The following SGPP2 variants were observed in gnomAD, a reference collection of about 807,000 sequenced individuals.
The protein encoded by SGPP2 is sphingosine-1-phosphate phosphatase 2, also known as sphingosine 1-phosphate phosphohydrolase 2.
Under a neutral mutation model 33.9 loss-of-function variants are expected in SGPP2, and 30 were observed. The ratio of observed to expected loss-of-function variants is 0.89; its 90% CI spans 0.66 to 1.20. The LOEUF is 1.20. SGPP2 is among the 50% of genes most tolerant of loss of function. SGPP2 has a pLI of 0.00. For missense variants in SGPP2, 458 were observed against 532.1 expected, an observed-to-expected ratio of 0.86 and a Z score of 1.37; for synonymous variants, 233 against 225.0, an observed-to-expected ratio of 1.04 and a Z score of -0.32.
chr2:222,424,777 G>A lies in SGPP2; in HGVS notation c.175G>A (p.Gly59Ser). The change falls in exon 1 of 5, where the codon GGC becomes AGC. Residue 59 changes from glycine (G) to serine (S), a missense_variant. Gly to Ser is a moderately conservative substitution (Grantham distance 56). Transcript: ENST00000321276. ...EHLPAANGKG[G>S]EAPANGLRRA... ...TCTCCCCGCAGCCAACGGCAAGGGCGGCGAGGCTCCGGCCAACGGGCTGCG... is the reference window on the plus strand; with the variant it reads ...TCTCCCCGCAGCCAACGGCAAGGGCAGCGAGGCTCCGGCCAACGGGCTGCG... 5 of 1,399,230 alleles carry A rather than the reference G, an allele frequency of 3.6e-6. No individual in the cohort carries two copies. The allele number at this position is 1,399,230 out of a possible 1,614,324, so 86.7% of individuals were successfully genotyped here.
intron 4 of SGPP2, among the ~76,000 whole-genome samples, chr2:222,546,825 CAAAAAA>C (rs5838955): frequency 7.7e-5 from 9 of 116,650 alleles, no homozygotes; most frequent in African/African-American, 2.1e-4. Flanking sequence ...ACACATGTTG[CAAAAAA>C]AAAAAAAAAA....
intron 4 of SGPP2, 100 bp downstream of exon 4, chr2:222,525,133 A>G (rs1698739871): frequency 2.6e-6 from 2 of 759,080 alleles, no homozygotes; most frequent in African/African-American, 3.6e-5. Flanking sequence ...AATTATTTGC[A>G]TATGTAATTA....
At chr2:222,507,750 C>T (rs897969764) in intron 2 of SGPP2, among the ~76,000 whole-genome samples, 1 of 152,138 alleles carries the variant, frequency 6.6e-6, no homozygotes, top group Non-Finnish European at 1.5e-5. Flanking sequence ...TTCCCATGTA[C>T]CTATATGCGC....
At chr2:222,452,425 A>G (rs1049755978) in intron 1 of SGPP2, 2 of 774,946 alleles carry the variant, frequency 2.6e-6, no homozygotes, top group Non-Finnish European at 4.6e-6. Flanking sequence ...TTGTATGTTC[A>G]TGGAGTAGTT....
At position 222,559,156 on chromosome 2, in the gene SGPP2, A is replaced by C. The variant is rs1045469873; in HGVS notation, c.*258A>C. On this transcript the variant is annotated 3_prime_UTR_variant, in exon 5 of 5. Transcript: ENST00000321276. ...ATAATCCGGATCTTTAAAGGCACACACCGCGCCCCCCCCCCCCCCGCCCGG... is the reference window on the plus strand; with the variant it reads ...ATAATCCGGATCTTTAAAGGCACACCCCGCGCCCCCCCCCCCCCCGCCCGG... 324 of 56,250 alleles carry C rather than the reference A, an allele frequency of 5.8e-3. No homozygotes were observed. Among genetic ancestry groups the C allele is most frequent in the Admixed American group, 0.015 (48 of 3,174 alleles). The allele number at this position is 56,250 out of a possible 1,614,324, so 3.5% of individuals were successfully genotyped here.
intron 1 of SGPP2, among the ~76,000 whole-genome samples, chr2:222,451,024 G>T (rs1697478034): frequency 6.6e-6 from 1 of 151,050 alleles, no homozygotes; most frequent in African/African-American, 2.4e-5. Context: ...AATGTATTTT[G>T]ACCAAATGTA....
At chr2:222,500,545 T>C (rs935732421) in intron 2 of SGPP2, among the ~76,000 whole-genome samples, 2 of 152,156 alleles carry the variant, frequency 1.3e-5, no homozygotes, top group South Asian at 2.1e-4. Flanking sequence ...GAGTATGAAA[T>C]TGGCTTTTCC....
chr2:222,558,773 A>G lies in SGPP2; in HGVS notation c.1075A>G (p.Arg359Gly). The G allele has an allele frequency of 6.2e-7, 1 of 1,614,196 alleles. No homozygotes were observed. Among genetic ancestry groups the G allele is most frequent in the Non-Finnish European group, 8.5e-7 (1 of 1,180,028 alleles). The change falls in exon 5 of 5, where the codon AGG becomes GGG. Residue 359 changes from arginine to glycine, a missense_variant. By Grantham distance (125) the Arg-to-Gly change is moderately radical. Transcript: ENST00000321276. ...ATACTCATGGTTCAAGGTGGTCACC[A>G]GGAACAAGGAGGCCAGGCGGAGACT... ...VLYSWFKVVT[R>G]NKEARRRLEI...
intron 1 of SGPP2, among the ~76,000 whole-genome samples, chr2:222,437,417 C>T (rs1297252389): frequency 6.6e-6 from 1 of 152,250 alleles, no homozygotes; most frequent in African/African-American, 2.4e-5. Context: ...CAGCTGTCCA[C>T]TTTCGGGTGG....
intron 1 of SGPP2, among the ~76,000 whole-genome samples, chr2:222,451,130 T>C (rs1161685991): frequency 2.5e-5 from 2 of 80,628 alleles, no homozygotes. Context: ...ATAAAAACCA[T>C]ACAAAAAGAG....
intron 1 of SGPP2, among the ~76,000 whole-genome samples, chr2:222,440,341 TTTTTGTTTTTG>T (rs1482865414): frequency 1.6e-5 from 1 of 61,468 alleles, no homozygotes; most frequent in Non-Finnish European, 3.5e-5. Flanking sequence ...TGTGTTTTTG[TTTTTGTTTTTG>T]TTTTTTTTTG....
chr2:222,430,924 G>A (rs1697143725), intron 1 of SGPP2, among the ~76,000 whole-genome samples: 1 of 152,034 alleles, frequency 6.6e-6, no homozygotes, highest in Non-Finnish European at 1.5e-5. Context: ...CAACTCAAGA[G>A]GAGTCTAAGG....
At chr2:222,501,435 G>A (rs1698364299) in intron 2 of SGPP2, among the ~76,000 whole-genome samples, 1 of 152,078 alleles carries the variant, frequency 6.6e-6, no homozygotes, top group African/African-American at 2.4e-5. Context: ...CACTACATAG[G>A]GAGGTTCTCA....
Position 222,470,541 on chromosome 2 carries a change from G to A in SGPP2, c.220-4027G>A, listed in dbSNP as rs1398585718. 2.0e-5 allele frequency among the ~76,000 whole-genome samples: 3 copies of A among 152,200 alleles called. No individual in the cohort carries two copies. In the East Asian group the frequency reaches 5.8e-4, roughly 29 times the overall value. On this transcript the variant is annotated intron_variant, in intron 1 of 4. Coordinates refer to ENST00000321276, the MANE Select transcript of SGPP2 (RefSeq NM_152386.4). ...TTCCTGAGAGATTGTAATAAAGCCT[G>A]TCTAAAGATATTAGTTAGTGATATG...
At chr2:222,498,399 A>C (rs1698312925) in intron 2 of SGPP2, 1 of 152,190 alleles carries the variant, frequency 6.6e-6, no homozygotes. Flanking sequence ...CCATTTTTTT[A>C]ATGGCAGCCA....
At chr2:222,485,574 G>A (rs1487415904) in intron 2 of SGPP2, among the ~76,000 whole-genome samples, 2 of 152,242 alleles carry the variant, frequency 1.3e-5, no homozygotes, top group African/African-American at 4.8e-5. Context: ...AAGCAGCCAA[G>A]TGGAAAAGAA....
At chr2:222,522,096 A>G (rs1446608436) in intron 3 of SGPP2, 150 bp downstream of exon 3, 5 of 642,748 alleles carry the variant, frequency 7.8e-6, no homozygotes, top group Admixed American at 3.9e-5. Context: ...ACAGATGACA[A>G]TTGCATCATA....
chr2:222,448,116 G>A (rs1196639520), intron 1 of SGPP2, among the ~76,000 whole-genome samples: 1 of 152,200 alleles, frequency 6.6e-6, no homozygotes, highest in East Asian at 1.9e-4. Context: ...TTGGGAATAC[G>A]TCATGCAGCT....
At position 222,525,001 on chromosome 2, in the gene SGPP2, A is replaced by G. The variant is rs201521363; in HGVS notation, c.616A>G (p.Ser206Gly). Residue 206 changes from serine (S) to glycine (G), a missense_variant, in exon 4 of 5, where the codon AGC becomes GGC. Physicochemically the swap from Ser to Gly is moderately conservative, Grantham distance 56. Transcript: ENST00000321276. Reference sequence around the variant, plus strand: ...GGTGTTTTCCACCTTGGTGTGTCTCAGCAGGCTCTACACTGGGATGCATAC... The same window carrying G: ...GGTGTTTTCCACCTTGGTGTGTCTCGGCAGGCTCTACACTGGGATGCATAC... ...AVVFSTLVCL[S>G]RLYTGMHTVL... 6.2e-7 allele frequency: 1 copy of G among 1,614,002 alleles called. No individual in the cohort carries two copies. The highest frequency in any genetic ancestry group is 2.2e-5 in the East Asian group (1 of 44,894).
Sources: allele counts gnomAD v4.1 joint callset (sites outside exome capture counted in the v4.1 genomes callset), GRCh38; gene constraint gnomAD v4.1.1; transcripts MANE v1.5; gene names NCBI Gene and HGNC (gene_info 2026-07-23, HGNC 2026-07-21).